The following TMED3 variants were observed in gnomAD, a reference collection of about 807,000 sequenced individuals.
TMED3 encodes the protein transmembrane p24 trafficking protein 3, also known as transmembrane emp24 domain-containing protein 3.
Under a neutral mutation model 15.0 loss-of-function variants are expected in TMED3, and 9 were observed. That is an observed-to-expected ratio of 0.60 (90% CI 0.36 to 1.04). TMED3 has a LOEUF of 1.04. TMED3 is among the 50% of genes least tolerant of loss of function. TMED3 has a pLI of 0.01. For missense variants in TMED3, 267 were observed against 278.9 expected (o/e 0.96, Z 0.30); for synonymous variants, 117 against 121.4 (o/e 0.96, Z 0.24).
At chr15:79,406,466 G>C (rs1893905246) in intron 2 of TMED3, among the ~76,000 whole-genome samples, 1 of 152,148 alleles carries the variant, frequency 6.6e-6, no homozygotes, top group Non-Finnish European at 1.5e-5. Flanking sequence ...GGAGGGTGGG[G>C]GCCACAGTGG....
At chr15:79,320,918 C>A (rs561508789) in intron 2 of TMED3, among the ~76,000 whole-genome samples, 1 of 152,296 alleles carries the variant, frequency 6.6e-6, no homozygotes, top group African/African-American at 2.4e-5. Context: ...TGCTTTCATG[C>A]TCATTCAGGT....
chr15:79,362,064 C>G (rs1287889791), intron 2 of TMED3, among the ~76,000 whole-genome samples: 1 of 152,048 alleles, frequency 6.6e-6, no homozygotes, highest in African/African-American at 2.4e-5. Context: ...GGATAACAAA[C>G]TCAATGTTGT....
downstream of TMED3, among the ~76,000 whole-genome samples, chr15:79,327,588 C>T (rs894429477): frequency 2.6e-5 from 4 of 152,192 alleles, no homozygotes; most frequent in Non-Finnish European, 4.4e-5. Flanking sequence ...ATCCTGTATG[C>T]GAATGTGCCT....
intron 2 of TMED3, among the ~76,000 whole-genome samples, chr15:79,403,703 G>A (rs1264420167): frequency 6.6e-6 from 1 of 152,218 alleles, no homozygotes; most frequent in Non-Finnish European, 1.5e-5. Context: ...CTGCAGTTCA[G>A]TGGAAACTTA....
At chr15:79,354,302 G>A (rs889107881) in intron 2 of TMED3, among the ~76,000 whole-genome samples, 4 of 152,090 alleles carry the variant, frequency 2.6e-5, no homozygotes, top group African/African-American at 9.7e-5. Context: ...AAATGTCCAG[G>A]AGCCATAATC....
chr15:79,331,490 G>A (rs1373482428), intron 2 of TMED3, among the ~76,000 whole-genome samples: 1 of 148,440 alleles, frequency 6.7e-6, no homozygotes, highest in Admixed American at 6.8e-5. Context: ...TCAGGACATT[G>A]GTCTGGGAAA....
intron 2 of TMED3, among the ~76,000 whole-genome samples, chr15:79,405,247 C>A (rs1435597531): frequency 1.3e-5 from 2 of 152,182 alleles, no homozygotes; most frequent in African/African-American, 4.8e-5. Context: ...TGATCTAGAA[C>A]TCTGGGGGTC....
At chr15:79,398,110 T>G (rs1469251868) in intron 2 of TMED3, among the ~76,000 whole-genome samples, 1 of 152,190 alleles carries the variant, frequency 6.6e-6, no homozygotes, top group Non-Finnish European at 1.5e-5. Flanking sequence ...GTAGTTTCAC[T>G]GCCCTAAAAA....
chr15:79,327,775 C>G (rs529198811), downstream of TMED3, among the ~76,000 whole-genome samples: 1 of 152,304 alleles, frequency 6.6e-6, no homozygotes, highest in Admixed American at 6.5e-5. Context: ...ACTGGCAATT[C>G]GACAGCTTTT....
intron 2 of TMED3, among the ~76,000 whole-genome samples, chr15:79,352,950 T>C (rs1439797182): frequency 8.3e-6 from 1 of 120,516 alleles, no homozygotes; most frequent in African/African-American, 3.2e-5. Context: ...ATATATAATA[T>C]ATGTAATATA....
intron 1 of TMED3, 147 bp from the exon 2 acceptor site, chr15:79,313,609 TA>T: frequency 9.3e-7 from 1 of 1,072,262 alleles, no homozygotes; most frequent in Non-Finnish European, 1.3e-6. Context: ...TCAGCCTTAG[TA>T]AAATGAGAAG....
intron 2 of TMED3, among the ~76,000 whole-genome samples, chr15:79,318,861 C>A (rs1169496358): frequency 6.6e-6 from 1 of 152,172 alleles, no homozygotes; most frequent in African/African-American, 2.4e-5. Context: ...CCTTTGAAGC[C>A]AGTTGGCTTT....
chr15:79,349,178 A>G (rs7170431), intron 2 of TMED3, among the ~76,000 whole-genome samples: 14,249 of 152,226 alleles, frequency 0.094, 709 homozygotes, highest in Admixed American at 0.12. Context: ...ACTGGAGTGA[A>G]GTGATACCTC....
At chr15:79,411,533 T>G (rs1893979564) in exon 3 of TMED3, 1 of 699,816 alleles carries the variant, frequency 1.4e-6, no homozygotes, top group Non-Finnish European at 2.6e-6. Context: ...GCACTGAGAG[T>G]GGATGGAGGG....
At chr15:79,351,557 A>G (rs1418991904) in intron 2 of TMED3, among the ~76,000 whole-genome samples, 1 of 152,196 alleles carries the variant, frequency 6.6e-6, no homozygotes, top group Non-Finnish European at 1.5e-5. Flanking sequence ...TGGCCATAAT[A>G]CAAAAATACA....
rs557199425 is a variant in TMED3 at position 79,397,347 on chromosome 15, C to T, written c.418-14053C>T. Among the ~76,000 whole-genome samples the T allele has an allele frequency of 5.4e-4, 82 of 152,324 alleles. 1 individual carries two copies. The highest frequency in any genetic ancestry group is 1.1e-3 in the Non-Finnish European group (73 of 68,032). ...TATTGTGTACATAGCAGTCTGCTCACCTTTCTTTCATCTGCTTAGTTGTTT... is the reference window on the plus strand; with the variant it reads ...TATTGTGTACATAGCAGTCTGCTCATCTTTCTTTCATCTGCTTAGTTGTTT... On this transcript the variant is annotated intron_variant, in intron 2 of 2. Transcript: ENST00000424155.
At chr15:79,400,959 C>T (rs1304675649) in intron 2 of TMED3, among the ~76,000 whole-genome samples, 1 of 152,200 alleles carries the variant, frequency 6.6e-6, no homozygotes, top group Non-Finnish European at 1.5e-5. Context: ...ATTTTCTAGA[C>T]CAGGAACTGG....
intron 2 of TMED3, among the ~76,000 whole-genome samples, chr15:79,409,766 T>C (rs537341383): frequency 1.8e-4 from 27 of 152,306 alleles, no homozygotes; most frequent in African/African-American, 6.3e-4. Context: ...GACAGCTATG[T>C]ATTATGGGTG....
chr15:79,324,165 G>T (rs1595888732), downstream of TMED3, among the ~76,000 whole-genome samples: 1 of 152,042 alleles, frequency 6.6e-6, no homozygotes, highest in African/African-American at 2.4e-5. Context: ...TAATTTTTTT[G>T]TATTTTTAGT....
Sources: gnomAD v4.1 joint callset for allele counts (sites outside exome capture counted in the v4.1 genomes callset) on GRCh38, gnomAD v4.1.1 for gene constraint, MANE v1.5 for transcripts, NCBI Gene and HGNC (gene_info 2026-07-23, HGNC 2026-07-21) for gene names.